Variants in SHQ1 observed in about 807,000 individuals in gnomAD.
SHQ1 encodes protein SHQ1 homolog.
Under a neutral mutation model 53.8 loss-of-function variants are expected in SHQ1, and 49 were observed. The observed-to-expected ratio is 0.91, with a 90% CI of 0.72 to 1.16. The LOEUF is 1.16. Ranked by LOEUF, SHQ1 falls within the 50% of genes most tolerant of loss-of-function variation. The pLI is 0.00. For synonymous variants in SHQ1, 243 were observed against 251.0 expected, an observed-to-expected ratio of 0.97 and a Z score of 0.30; for missense variants, 738 against 683.1, an observed-to-expected ratio of 1.08 and a Z score of -0.90.
intron 9 of SHQ1, among the ~76,000 whole-genome samples, chr3:72,798,152 A>G (rs1025845158): frequency 6.6e-6 from 1 of 152,244 alleles, no homozygotes; most frequent in African/African-American, 2.4e-5. Context: ...CACTGCAGGA[A>G]AGTGACCATT....
chr3:72,799,086 G>A (rs576196010), intron 9 of SHQ1, among the ~76,000 whole-genome samples: 5 of 151,924 alleles, frequency 3.3e-5, no homozygotes, highest in East Asian at 3.9e-4. Flanking sequence ...TATAGGAGGC[G>A]CCAATACAGG....
At chr3:72,845,409 G>A (rs1056207752) in intron 1 of SHQ1, among the ~76,000 whole-genome samples, 1 of 151,972 alleles carries the variant, frequency 6.6e-6, no homozygotes, top group African/African-American at 2.4e-5. Flanking sequence ...CTTGAACCCA[G>A]GAAGGGGAGG....
chr3:72,802,053 A>C (rs1174202081), intron 9 of SHQ1, among the ~76,000 whole-genome samples: 1 of 152,212 alleles, frequency 6.6e-6, no homozygotes, highest in Non-Finnish European at 1.5e-5. Context: ...CTGTTTCCAC[A>C]GGGATAAATT....
At chr3:72,784,620 G>GT (rs1706171113) in intron 10 of SHQ1, among the ~76,000 whole-genome samples, 1 of 152,140 alleles carries the variant, frequency 6.6e-6, no homozygotes, top group African/African-American at 2.4e-5. Flanking sequence ...TTTAATCCAA[G>GT]GTTTAACTTG....
chr3:72,773,410 G>A, intron 10 of SHQ1: 1 of 439,710 alleles, frequency 2.3e-6, no homozygotes. Context: ...TAGCAGTGGT[G>A]GTAGATGAGT....
intron 4 of SHQ1, among the ~76,000 whole-genome samples, chr3:72,840,728 T>C (rs73093286): frequency 6.6e-6 from 1 of 152,266 alleles, no homozygotes; most frequent in Non-Finnish European, 1.5e-5. Context: ...TTTTCAGAAG[T>C]ATAAAACATA....
chr3:72,746,273 A>G (rs999374897), downstream of SHQ1, among the ~76,000 whole-genome samples: 1 of 152,184 alleles, frequency 6.6e-6, no homozygotes, highest in Admixed American at 6.5e-5. Flanking sequence ...CTGAGCTGCG[A>G]CTAGGCAGTC....
chr3:72,829,623 A>G (rs925762368), intron 5 of SHQ1, among the ~76,000 whole-genome samples: 64 of 152,222 alleles, frequency 4.2e-4, no homozygotes, highest in African/African-American at 1.5e-3. Context: ...CAGCCATCCA[A>G]TTACTATTTG....
intron 10 of SHQ1, chr3:72,773,390 T>C: frequency 2.1e-6 from 1 of 466,980 alleles, no homozygotes; most frequent in South Asian, 1.9e-5. Context: ...TCCCTCAGCC[T>C]ATCTCACAGT....
chr3:72,817,971 C>G (rs1707370706), intron 6 of SHQ1, among the ~76,000 whole-genome samples: 1 of 151,870 alleles, frequency 6.6e-6, no homozygotes, highest in African/African-American at 2.4e-5. Flanking sequence ...AACACAGTTC[C>G]TTTTTGCTTT....
the SHQ1 span, among the ~76,000 whole-genome samples, chr3:72,729,820 TTTTA>T: frequency 2.6e-5 from 4 of 152,120 alleles, no homozygotes; most frequent in African/African-American, 7.2e-5. Context: ...TTTTATTTTA[TTTTA>T]TTTATTTATT....
At chr3:72,832,112 C>A (rs1420280226) in intron 5 of SHQ1, among the ~76,000 whole-genome samples, 1 of 151,846 alleles carries the variant, frequency 6.6e-6, no homozygotes, top group Admixed American at 6.6e-5. Flanking sequence ...TTAAGCCTGG[C>A]GAGAAAAAAA....
At chr3:72,815,466 A>C in intron 7 of SHQ1, 63 bp from the exon 8 acceptor site, 1 of 1,272,400 alleles carries the variant, frequency 7.9e-7, no homozygotes, top group Non-Finnish European at 1.1e-6. Context: ...AAATAGACCA[A>C]ACAAATCCAT....
intron 4 of SHQ1, 46 bp downstream of exon 4, chr3:72,840,999 A>T (rs747977691): frequency 6.4e-7 from 1 of 1,554,848 alleles, no homozygotes; most frequent in Non-Finnish European, 8.7e-7. Flanking sequence ...AAAATATCCA[A>T]ATGGAAAAAC....
the SHQ1 span, among the ~76,000 whole-genome samples, chr3:72,726,065 T>C: frequency 6.6e-6 from 1 of 152,112 alleles, no homozygotes; most frequent in African/African-American, 2.4e-5. Flanking sequence ...CCCCAGAGTT[T>C]GAGACCAGCC....
chr3:72,811,131 T>C (rs554798415), intron 9 of SHQ1, among the ~76,000 whole-genome samples: 16 of 152,298 alleles, frequency 1.1e-4, no homozygotes, highest in African/African-American at 3.8e-4. Context: ...AAGAACTAGA[T>C]TACTTCCCAG....
chr3:72,826,729 G>A (rs1040009138), intron 5 of SHQ1, among the ~76,000 whole-genome samples: 2 of 152,338 alleles, frequency 1.3e-5, no homozygotes, highest in Middle Eastern at 3.4e-3. Flanking sequence ...GATGAAGGGG[G>A]TGGGACAGAG....
intron 10 of SHQ1, among the ~76,000 whole-genome samples, chr3:72,785,960 A>G (rs1559670857): frequency 1.3e-5 from 2 of 152,182 alleles, no homozygotes; most frequent in African/African-American, 2.4e-5. Flanking sequence ...AACATTTCCA[A>G]AACTGAACTC....
intron 10 of SHQ1, among the ~76,000 whole-genome samples, chr3:72,775,078 G>A (rs183927775): frequency 1.6e-4 from 24 of 152,234 alleles, no homozygotes; most frequent in African/African-American, 5.1e-4. Context: ...TCATGCCACT[G>A]CAGTCCAGCC....
Sources: gnomAD v4.1 joint callset for allele counts (sites outside exome capture counted in the v4.1 genomes callset) on GRCh38, gnomAD v4.1.1 for gene constraint, MANE v1.5 for transcripts, NCBI Gene and HGNC (gene_info 2026-07-23, HGNC 2026-07-21) for gene names.